SRXN1: variants seen among roughly 807,000 people sequenced by gnomAD.
The protein encoded by SRXN1 is sulfiredoxin-1.
SRXN1 carries 11 observed loss-of-function variants against 11.0 expected under a neutral mutation model. That is an observed-to-expected ratio of 1.00 (90% CI 0.63 to 1.65). The LOEUF is 1.65. Ranked by LOEUF, SRXN1 falls within the 40% of genes most tolerant of loss-of-function variation. The pLI, the probability that SRXN1 is intolerant of heterozygous loss-of-function variation, is 0.00. For missense variants in SRXN1, 211 were observed against 194.5 expected, an observed-to-expected ratio of 1.08 and a Z score of -0.50; for synonymous variants, 106 against 92.8, an observed-to-expected ratio of 1.14 and a Z score of -0.82.
intron 1 of SRXN1, 39 bp from the exon 2 acceptor site, chr20:648,956 A>T: frequency 6.2e-7 from 1 of 1,606,510 alleles, no homozygotes; most frequent in African/African-American, 1.3e-5. Context: ...ACATGGTACA[A>T]GGCTTGAGAG....
rs892818431 is a variant in SRXN1 at position 647,954 on chromosome 20, C to T, written c.*760G>A. ...ATTGGTCTATTCAGCCATGACAATT[C>T]TGTTCCCTGCTGTCTTAGCTTTGTT... On this transcript the variant is annotated 3_prime_UTR_variant, in exon 2 of 2. Coordinates refer to ENST00000381962, the MANE Select transcript of SRXN1 (RefSeq NM_080725.3). 3 of 403,602 alleles carry T rather than the reference C, an allele frequency of 7.4e-6. No homozygotes were observed. The highest frequency in any genetic ancestry group is 2.1e-5 in the African/African-American group (1 of 48,724). 25.0% of individuals were successfully genotyped at this position (403,602 alleles called of 1,614,324 possible).
At chr20:650,145 G>A (rs932934566) in intron 1 of SRXN1, among the ~76,000 whole-genome samples, 5 of 152,170 alleles carry the variant, frequency 3.3e-5, no homozygotes, top group Non-Finnish European at 4.4e-5. Context: ...GCAGTGGGTG[G>A]GCCCTGGAGT....
At position 647,369 on chromosome 20, in the gene SRXN1, G is replaced by C. The variant is rs1983558748; in HGVS notation, c.*1345C>G. 1 of 152,244 alleles carries C rather than the reference G, an allele frequency of 6.6e-6. No homozygotes were observed. The highest frequency in any genetic ancestry group is 2.4e-5 in the African/African-American group (1 of 41,456). The allele number at this position is 152,244 out of a possible 1,614,324, so 9.4% of individuals were successfully genotyped here. On this transcript the variant is annotated 3_prime_UTR_variant, in exon 2 of 2. Transcript: ENST00000381962. Reference sequence around the variant, plus strand: ...GGTGAAAAATGGCCACAAGCTCTTTGTGGTTCCCCTCATCAAGACATGTAG... The same window carrying C: ...GGTGAAAAATGGCCACAAGCTCTTTCTGGTTCCCCTCATCAAGACATGTAG...
chr20:648,188 C>T lies in SRXN1; in HGVS notation c.*526G>A, dbSNP rs1183544301. The T allele has an allele frequency of 2.8e-5, 13 of 456,172 alleles. No individual in the cohort carries two copies. The Admixed American group carries it at 3.1e-4, about 11-fold the overall frequency. The allele number at this position is 456,172 out of a possible 1,614,324, so 28.3% of individuals were successfully genotyped here. A position where few individuals can be genotyped will look rare whatever the true frequency, so the allele number is the denominator to read the frequency against. ...TGGGGATACAGCAGCCATCTTGGGACCATGAAGTAACGAGCACTGAGATTA... is the reference window on the plus strand; with the variant it reads ...TGGGGATACAGCAGCCATCTTGGGATCATGAAGTAACGAGCACTGAGATTA... On this transcript the variant is annotated 3_prime_UTR_variant, in exon 2 of 2. Coordinates refer to ENST00000381962, the MANE Select transcript of SRXN1 (RefSeq NM_080725.3).
In SRXN1 at chr20:648,613, A is replaced by T. The variant is rs1983595051; in HGVS notation, c.*101T>A. 7.4e-7 allele frequency: 1 copy of T among 1,342,906 alleles called. No individual in the cohort carries two copies. The highest frequency in any genetic ancestry group is 1.1e-6 in the Non-Finnish European group (1 of 950,570). 83.2% of individuals were successfully genotyped at this position (1,342,906 alleles called of 1,614,324 possible). On this transcript the variant is annotated 3_prime_UTR_variant, in exon 2 of 2. Transcript: ENST00000381962. ...AGTCAGACCCTCTCGCCAGGTGCAAAGAGAATGCACCCCTGCTATCCCTTC... is the reference window on the plus strand; with the variant it reads ...AGTCAGACCCTCTCGCCAGGTGCAATGAGAATGCACCCCTGCTATCCCTTC...
At chr20:651,665 C>T (rs1983675770) in intron 1 of SRXN1, among the ~76,000 whole-genome samples, 1 of 147,914 alleles carries the variant, frequency 6.8e-6, no homozygotes, top group Non-Finnish European at 1.5e-5. Flanking sequence ...GCCAGGGTGA[C>T]AGACCCAGAC....
intron 1 of SRXN1, among the ~76,000 whole-genome samples, chr20:650,401 G>T (rs1983642629): frequency 6.6e-6 from 1 of 152,170 alleles, no homozygotes. Flanking sequence ...AAGGGCAAGA[G>T]AAAAGGGAGA....
In SRXN1 at chr20:651,852, T is replaced by C. The variant is rs564908681; in HGVS notation, c.210+1124A>G. 8.7e-5 allele frequency among the ~76,000 whole-genome samples: 13 copies of C among 149,878 alleles called. No individual in the cohort carries two copies. The South Asian group carries it at 2.2e-3, about 25-fold the overall frequency. On this transcript the variant is annotated intron_variant, in intron 1 of 1. Transcript: ENST00000381962. ...AACGACAAGGCAGAGATAGAAGAGG[T>C]TCTCAACGGGAGAAAAAGCCCAGTG...
intron 1 of SRXN1, among the ~76,000 whole-genome samples, chr20:649,182 T>C (rs7508957): frequency 0.2 from 29,707 of 152,150 alleles, 3,392 homozygotes; most frequent in East Asian, 0.45. Flanking sequence ...GCACACCACA[T>C]GCACACTATC....
rs1983713375 is a variant in SRXN1 at position 652,978 on chromosome 20, G to A, written c.208C>T (p.Arg70Trp). The change falls in exon 1 of 2, where the codon CGG becomes TGG. Residue 70 changes from arginine to tryptophan, a missense_variant and splice_region_variant. By Grantham distance (101) the Arg-to-Trp change is moderately radical. Coordinates refer to ENST00000381962, the MANE Select transcript of SRXN1 (RefSeq NM_080725.3). ...GGCTGGACTCCCCGAGGCCTCACCCGGATCGTGTCCACGAGGCTCTGCACC... is the reference window on the plus strand; with the variant it reads ...GGCTGGACTCCCCGAGGCCTCACCCAGATCGTGTCCACGAGGCTCTGCACC... The part of the protein sequence containing the change: ...AKVQSLVDTI[R>W]EDPDSVPPID... 3.3e-6 allele frequency: 5 copies of A among 1,530,118 alleles called. No individual in the cohort carries two copies. In the South Asian group the frequency reaches 3.7e-5, roughly 11 times the overall value. The allele number at this position is 1,530,118 out of a possible 1,614,324, so 94.8% of individuals were successfully genotyped here.
At chr20:652,211 T>TA (rs992606257) in intron 1 of SRXN1, among the ~76,000 whole-genome samples, 2 of 151,924 alleles carry the variant, frequency 1.3e-5, no homozygotes, top group African/African-American at 4.8e-5. Context: ...GACACTAGTG[T>TA]AAATACTAGG....
chr20:648,010 G>A lies in SRXN1; in HGVS notation c.*704C>T, dbSNP rs76240668. 4,450 of 447,274 alleles carry A rather than the reference G, an allele frequency of 9.9e-3. 156 individuals carry two copies. Among genetic ancestry groups the A allele is most frequent in the African/African-American group, 0.079 (3,929 of 49,920 alleles). The allele number at this position is 447,274 out of a possible 1,614,324, so 27.7% of individuals were successfully genotyped here. A position where few individuals can be genotyped will look rare whatever the true frequency, so the allele number is the denominator to read the frequency against. ...CTAGAGGTGCAATGGTAGCTGGCTCGGGCCAAGGGCATCTAAGTGAAGATA... is the reference window on the plus strand; with the variant it reads ...CTAGAGGTGCAATGGTAGCTGGCTCAGGCCAAGGGCATCTAAGTGAAGATA... On this transcript the variant is annotated 3_prime_UTR_variant, in exon 2 of 2. Coordinates refer to ENST00000381962, the MANE Select transcript of SRXN1 (RefSeq NM_080725.3).
At position 647,591 on chromosome 20, in the gene SRXN1, TGGA is replaced by T. The variant is rs1687429521; in HGVS notation, c.*1120_*1122del. 1.1e-5 allele frequency: 2 copies of T among 178,592 alleles called. No homozygotes were observed. Among genetic ancestry groups the T allele is most frequent in the Non-Finnish European group, 2.4e-5 (2 of 83,762 alleles). The allele number at this position is 178,592 out of a possible 1,614,324, so 11.1% of individuals were successfully genotyped here. ...GAGCTAGCCTGCTGGAGAGGCCACATGGAGGAGAACCAAGCAATTCCAGCCAAC... is the reference window on the plus strand; with the variant it reads ...GAGCTAGCCTGCTGGAGAGGCCACATGGAGAACCAAGCAATTCCAGCCAAC... On this transcript the variant is annotated 3_prime_UTR_variant, in exon 2 of 2. Coordinates refer to ENST00000381962, the MANE Select transcript of SRXN1 (RefSeq NM_080725.3).
In SRXN1 at chr20:653,122, G is replaced by A. The variant is rs1259769289; in HGVS notation, c.64C>T (p.Pro22Ser). 5.2e-6 allele frequency: 7 copies of A among 1,337,344 alleles called. No individual in the cohort carries two copies. Among genetic ancestry groups the A allele is most frequent in the Non-Finnish European group, 6.7e-6 (7 of 1,049,182 alleles). The allele number at this position is 1,337,344 out of a possible 1,614,324, so 82.8% of individuals were successfully genotyped here. A position where few individuals can be genotyped will look rare whatever the true frequency, so the allele number is the denominator to read the frequency against. The change falls in exon 1 of 2, where the codon CCC becomes TCC. Residue 22 changes from proline (P) to serine (S), a missense_variant. Pro to Ser is a moderately conservative substitution (Grantham distance 74). Coordinates refer to ENST00000381962, the MANE Select transcript of SRXN1 (RefSeq NM_080725.3). ...CCCTGCGCGCCGCCGCTCGGCCCGG[G>A]CCCCTCGGGCGCCCCCCGACCCGCG... The part of the protein sequence containing the change: ...AGAGRGAPEG[P>S]GPSGGAQGGS...
At chr20:650,984 C>T (rs1162484442) in intron 1 of SRXN1, among the ~76,000 whole-genome samples, 1 of 152,188 alleles carries the variant, frequency 6.6e-6, no homozygotes, top group Non-Finnish European at 1.5e-5. Flanking sequence ...CGGAAATTAT[C>T]CAAGGTTATC....
chr20:652,922 ACCTCCCTCCTCCGAAGC>A lies in SRXN1; in HGVS notation c.210+37_210+53del, dbSNP rs1032961717. 266 of 1,180,680 alleles carry A rather than the reference ACCTCCCTCCTCCGAAGC, an allele frequency of 2.3e-4. 2 individuals are homozygous for A. The East Asian group carries it at 7.3e-3, about 33-fold the overall frequency. The allele number at this position is 1,180,680 out of a possible 1,614,324, so 73.1% of individuals were successfully genotyped here. On this transcript the variant is annotated intron_variant, in intron 1 of 1. Coordinates refer to ENST00000381962, the MANE Select transcript of SRXN1 (RefSeq NM_080725.3). ...TCGCAGCGACCTCCCTCCTCCGGCA[ACCTCCCTCCTCCGAAGC>A]CCTCCCTCCGGTTGGCTGGACTCCC...
At chr20:649,698 T>C (rs1983624586) in intron 1 of SRXN1, among the ~76,000 whole-genome samples, 1 of 137,386 alleles carries the variant, frequency 7.3e-6, no homozygotes, top group African/African-American at 2.8e-5. Context: ...CGAGAATCCA[T>C]CTCAAAAAAA....
At position 651,683 on chromosome 20, in the gene SRXN1, T is replaced by TAAA. The variant is rs61107831; in HGVS notation, c.210+1290_210+1292dup. On this transcript the variant is annotated intron_variant, in intron 1 of 1. Coordinates refer to ENST00000381962, the MANE Select transcript of SRXN1 (RefSeq NM_080725.3). ...AGGGTGACAGACCCAGACAACGTCTTAAAAAAAAAAAAAAAAAGCCAGTGA... is the reference window on the plus strand; with the variant it reads ...AGGGTGACAGACCCAGACAACGTCTTAAAAAAAAAAAAAAAAAAAAGCCAGTGA... Among the ~76,000 whole-genome samples, 5 of 118,254 alleles carry TAAA rather than the reference T, an allele frequency of 4.2e-5. No homozygotes were observed. The South Asian group carries it at 8.1e-4, about 19-fold the overall frequency. 77.6% of individuals were successfully genotyped at this position (118,254 alleles called of 152,430 possible).
In SRXN1 at chr20:648,166, G is replaced by C. The variant is rs1249851175; in HGVS notation, c.*548C>G. 2.2e-6 allele frequency: 1 copy of C among 456,094 alleles called. No individual in the cohort carries two copies. The highest frequency in any genetic ancestry group is 4.4e-6 in the Non-Finnish European group (1 of 226,974). 28.3% of individuals were successfully genotyped at this position (456,094 alleles called of 1,614,324 possible). On this transcript the variant is annotated 3_prime_UTR_variant, in exon 2 of 2. Transcript: ENST00000381962. Reference sequence around the variant, plus strand: ...CCTTGAACGCAGACATGATTCTTGGGGATACAGCAGCCATCTTGGGACCAT... The same window carrying C: ...CCTTGAACGCAGACATGATTCTTGGCGATACAGCAGCCATCTTGGGACCAT...
Sources: gnomAD v4.1 joint callset for allele counts (sites outside exome capture counted in the v4.1 genomes callset) on GRCh38, gnomAD v4.1.1 for gene constraint, MANE v1.5 for transcripts, NCBI Gene and HGNC (gene_info 2026-07-23, HGNC 2026-07-21) for gene names.